Variants in TMEM135 observed in about 807,000 individuals in gnomAD.
TMEM135 encodes peroxisomal membrane protein 52.
Under a neutral mutation model 60.3 loss-of-function variants are expected in TMEM135, and 30 were observed. The observed-to-expected ratio is 0.50, with a 90% CI of 0.37 to 0.68. TMEM135 has a LOEUF of 0.68. Ranked by LOEUF, TMEM135 falls within the 30% of genes least tolerant of loss-of-function variation. TMEM135 has a pLI of 0.00. For synonymous variants in TMEM135, 190 were observed against 186.7 expected (o/e 1.02, Z -0.14); for missense variants, 468 against 548.8 (o/e 0.85, Z 1.47).
intron 4 of TMEM135, among the ~76,000 whole-genome samples, chr11:87,132,984 A>G (rs1937980231): frequency 6.6e-6 from 1 of 152,184 alleles, no homozygotes; most frequent in Admixed American, 6.5e-5. Flanking sequence ...GAGTTACTCA[A>G]ATACATGCAC....
At chr11:87,258,833 A>G in intron 6 of TMEM135, 1 of 708,668 alleles carries the variant, frequency 1.4e-6, no homozygotes, top group African/African-American at 1.8e-5. Flanking sequence ...GACAGCTCAT[A>G]TACGGCAGTA....
chr11:87,290,014 C>CT (rs1942237997), intron 6 of TMEM135, among the ~76,000 whole-genome samples: 1 of 25,348 alleles, frequency 3.9e-5, no homozygotes, highest in Admixed American at 2.7e-4. Flanking sequence ...GGATATTAAT[C>CT]CCCCCTAGGA....
chr11:87,079,760 A>G (rs1856946865), intron 3 of TMEM135, among the ~76,000 whole-genome samples: 1 of 151,820 alleles, frequency 6.6e-6, no homozygotes, highest in African/African-American at 2.4e-5. Flanking sequence ...CTTTATCATG[A>G]ATGGATGTAA....
At chr11:87,063,933 G>T (rs921878220) in intron 1 of TMEM135, among the ~76,000 whole-genome samples, 2 of 152,174 alleles carry the variant, frequency 1.3e-5, no homozygotes, top group Non-Finnish European at 2.9e-5. Context: ...GCGGACATAA[G>T]CACTTATTTC....
intron 4 of TMEM135, among the ~76,000 whole-genome samples, chr11:87,148,201 A>C (rs994620408): frequency 3.9e-5 from 6 of 152,224 alleles, no homozygotes; most frequent in African/African-American, 1.4e-4. Context: ...ACTATAGGTA[A>C]ATTTACAAAT....
intron 3 of TMEM135, among the ~76,000 whole-genome samples, chr11:87,088,612 C>G (rs191688188): frequency 6.6e-6 from 1 of 152,142 alleles, no homozygotes; most frequent in Non-Finnish European, 1.5e-5. Flanking sequence ...TCTATTAGTT[C>G]GGTCTATTCA....
In TMEM135 at chr11:87,038,296, C is replaced by T. The variant is rs77575113; in HGVS notation, c.141+110C>T. 5,643 of 1,123,064 alleles carry T rather than the reference C, an allele frequency of 5.0e-3. 148 individuals are homozygous for T. In the African/African-American group the frequency reaches 0.067, roughly 13 times the overall value. 69.6% of individuals were successfully genotyped at this position (1,123,064 alleles called of 1,614,324 possible). On this transcript the variant is annotated intron_variant, in intron 1 of 14. Coordinates refer to ENST00000305494, the MANE Select transcript of TMEM135 (RefSeq NM_022918.4). ...GGGGACTTGCCTTGTGTCGGGCTCT[C>T]TTTTGGAGGGGTCGGAGTGTTTTGG...
chr11:87,290,111 A>T (rs746436873), intron 6 of TMEM135, among the ~76,000 whole-genome samples: 1 of 151,888 alleles, frequency 6.6e-6, no homozygotes. Context: ...TACATCTTTT[A>T]TATTTACCAA....
chr11:87,316,914 A>G (rs762510295), intron 12 of TMEM135, among the ~76,000 whole-genome samples: 19 of 151,612 alleles, frequency 1.3e-4, no homozygotes, highest in African/African-American at 1.9e-4. Flanking sequence ...TTAGAAATTT[A>G]AGCTTGCTAT....
At chr11:87,041,752 A>G (rs373251544) in intron 1 of TMEM135, among the ~76,000 whole-genome samples, 2 of 152,244 alleles carry the variant, frequency 1.3e-5, no homozygotes, top group Admixed American at 1.3e-4. Context: ...GAGTGAAGGT[A>G]TGAATGAATA....
chr11:87,240,363 A>G (rs1035255805), intron 6 of TMEM135, among the ~76,000 whole-genome samples: 1 of 151,792 alleles, frequency 6.6e-6, no homozygotes, highest in Non-Finnish European at 1.5e-5. Context: ...GTTTGTTTCT[A>G]TCGATTTTGG....
At chr11:87,268,429 A>G (rs1169344760) in intron 6 of TMEM135, among the ~76,000 whole-genome samples, 2 of 151,864 alleles carry the variant, frequency 1.3e-5, no homozygotes, top group African/African-American at 2.4e-5. Context: ...GCTCCTTTCT[A>G]AAGATGGTCT....
At chr11:87,180,867 A>G (rs1287558285) in intron 5 of TMEM135, among the ~76,000 whole-genome samples, 1 of 152,214 alleles carries the variant, frequency 6.6e-6, no homozygotes, top group Non-Finnish European at 1.5e-5. Flanking sequence ...GAGTGTCAAA[A>G]TGCAATATTC....
At chr11:87,306,573 T>A (rs1054925132) in intron 9 of TMEM135, among the ~76,000 whole-genome samples, 2 of 152,206 alleles carry the variant, frequency 1.3e-5, no homozygotes, top group African/African-American at 4.8e-5. Context: ...CTAGTGGACT[T>A]GAGTACTAGT....
intron 1 of TMEM135, among the ~76,000 whole-genome samples, chr11:87,050,527 C>G (rs1418260161): frequency 5.3e-5 from 3 of 56,398 alleles, no homozygotes; most frequent in African/African-American, 1.3e-4. Flanking sequence ...TCAGAGAATA[C>G]TACAAACACC....
At chr11:87,134,458 G>A (rs890749866) in intron 4 of TMEM135, among the ~76,000 whole-genome samples, 1 of 152,114 alleles carries the variant, frequency 6.6e-6, no homozygotes, top group Non-Finnish European at 1.5e-5. Context: ...TATATGGAGA[G>A]CACATGTCTA....
intron 4 of TMEM135, among the ~76,000 whole-genome samples, chr11:87,119,898 A>C (rs962894184): frequency 6.6e-6 from 1 of 152,050 alleles, no homozygotes; most frequent in Non-Finnish European, 1.5e-5. Context: ...AAAAAAAAAA[A>C]CAGTATCTGT....
intron 4 of TMEM135, among the ~76,000 whole-genome samples, chr11:87,138,334 G>T (rs941763535): frequency 6.6e-6 from 1 of 151,998 alleles, no homozygotes; most frequent in Non-Finnish European, 1.5e-5. Context: ...CAGGTGATCC[G>T]CCCGCCTTGG....
chr11:87,323,863 T>G lies in TMEM135; in HGVS notation c.*2530T>G, dbSNP rs1000634850. ...AGTAACACCTTTGGTTTAGTTTTAT[T>G]TTCCCATAAATTCTGCTTTTGCTTC... On this transcript the variant is annotated 3_prime_UTR_variant, in exon 15 of 15. Coordinates refer to ENST00000305494, the MANE Select transcript of TMEM135 (RefSeq NM_022918.4). 2 of 452,102 alleles carry G rather than the reference T, an allele frequency of 4.4e-6. No individual in the cohort carries two copies. Among genetic ancestry groups the G allele is most frequent in the Admixed American group, 4.7e-5 (2 of 42,260 alleles). The allele number at this position is 452,102 out of a possible 1,614,324, so 28.0% of individuals were successfully genotyped here. A position where few individuals can be genotyped will look rare whatever the true frequency, so the allele number is the denominator to read the frequency against.
Sources: allele counts gnomAD v4.1 joint callset (sites outside exome capture counted in the v4.1 genomes callset), GRCh38; gene constraint gnomAD v4.1.1; transcripts MANE v1.5; gene names NCBI Gene and HGNC (gene_info 2026-07-23, HGNC 2026-07-21).